Variants in TRIM55 observed in about 807,000 individuals in gnomAD.
TRIM55 encodes tripartite motif containing 55.
Under a neutral mutation model 60.9 loss-of-function variants are expected in TRIM55, and 50 were observed. That is an observed-to-expected ratio of 0.82 (90% CI 0.65 to 1.04). The LOEUF is 1.04. Among genes scored for constraint, TRIM55 ranks in the 50% least tolerant of loss-of-function variants. The pLI, the probability that TRIM55 is intolerant of heterozygous loss-of-function variation, is 0.00. For missense variants in TRIM55, 681 were observed against 666.9 expected (o/e 1.02, Z -0.23); for synonymous variants, 237 against 238.1 (o/e 1.00, Z 0.04).
At chr8:66,159,324 G>A (rs1281110924) in intron 9 of TRIM55, among the ~76,000 whole-genome samples, 1 of 152,130 alleles carries the variant, frequency 6.6e-6, no homozygotes, top group Non-Finnish European at 1.5e-5. Context: ...TTTTCACTTA[G>A]CATAATGCTT....
At chr8:66,127,720 A>C (rs1482690959) in intron 1 of TRIM55, among the ~76,000 whole-genome samples, 1 of 151,968 alleles carries the variant, frequency 6.6e-6, no homozygotes, top group Admixed American at 6.6e-5. Context: ...CTATAATCTC[A>C]GGTACTTGGG....
chr8:66,165,502 AT>A (rs143251366), intron 9 of TRIM55, among the ~76,000 whole-genome samples: 3,510 of 151,306 alleles, frequency 0.023, 127 homozygotes, highest in African/African-American at 0.077. Context: ...GAAATGATCT[AT>A]TTAATTTTCC....
At chr8:66,148,004 A>T (rs1031078499) in intron 4 of TRIM55, among the ~76,000 whole-genome samples, 2 of 152,198 alleles carry the variant, frequency 1.3e-5, no homozygotes, top group African/African-American at 4.8e-5. Context: ...AATATGTAAT[A>T]AAGGGTATAG....
chr8:66,169,269 T>A (rs1411009082), intron 9 of TRIM55, among the ~76,000 whole-genome samples: 1 of 152,186 alleles, frequency 6.6e-6, no homozygotes, highest in Non-Finnish European at 1.5e-5. Flanking sequence ...CTACTGGCAT[T>A]GACCCCCAAG....
chr8:66,123,183 C>T (rs757805884), upstream of TRIM55, among the ~76,000 whole-genome samples: 2 of 152,218 alleles, frequency 1.3e-5, no homozygotes, highest in Non-Finnish European at 2.9e-5. Flanking sequence ...TAACCAACTG[C>T]CAATCAGAAA....
intron 9 of TRIM55, among the ~76,000 whole-genome samples, chr8:66,167,300 C>A (rs1377861451): frequency 6.6e-6 from 1 of 152,166 alleles, no homozygotes; most frequent in East Asian, 1.9e-4. Flanking sequence ...GGTCTGTTTG[C>A]CTAACGCAAT....
chr8:66,136,079 TA>T (rs981374691), intron 3 of TRIM55, among the ~76,000 whole-genome samples: 1 of 152,236 alleles, frequency 6.6e-6, no homozygotes, highest in Non-Finnish European at 1.5e-5. Flanking sequence ...CACTAAGTCC[TA>T]AAGAAACAGA....
At chr8:66,137,766 A>T (rs1427734337) in intron 4 of TRIM55, among the ~76,000 whole-genome samples, 2 of 152,036 alleles carry the variant, frequency 1.3e-5, no homozygotes, top group Non-Finnish European at 2.9e-5. Context: ...CTGAAAAAAA[A>T]AAAAAAAAAA....
chr8:66,150,049 C>A (rs140354080), intron 5 of TRIM55, among the ~76,000 whole-genome samples, 168 bp from the exon 6 acceptor site: 16 of 152,294 alleles, frequency 1.1e-4, no homozygotes, highest in African/African-American at 3.6e-4. Context: ...AATAGCATGT[C>A]TATGATACTG....
At position 66,135,092 on chromosome 8, in the gene TRIM55, G is replaced by A; in HGVS notation, c.444G>A (p.Lys148=). 1 of 1,614,194 alleles carries A rather than the reference G, an allele frequency of 6.2e-7. No individual in the cohort carries two copies. The highest frequency in any genetic ancestry group is 8.5e-7 in the Non-Finnish European group (1 of 1,180,020). The change falls in exon 3 of 10, where the codon AAG becomes AAA. Residue 148 remains lysine, a synonymous_variant. Coordinates refer to ENST00000315962, the MANE Select transcript of TRIM55 (RefSeq NM_184085.2). Reference sequence around the variant, plus strand: ...AAGTACCCACCTGCTCTCTGTGCAAGGTGTTTGGTGCACACAAAGACTGCC... The same window carrying A: ...AAGTACCCACCTGCTCTCTGTGCAAAGTGTTTGGTGCACACAAAGACTGCC... ...NCEVPTCSLC[K]VFGAHKDCQV... is the part of the protein sequence containing the mutation.
chr8:66,152,903 TTGTG>T (rs59283692), intron 8 of TRIM55, among the ~76,000 whole-genome samples: 12,373 of 140,218 alleles, frequency 0.088, 540 homozygotes, highest in African/African-American at 0.1. Context: ...TGTCTGGAAA[TTGTG>T]TGTGTGTGTG....
chr8:66,120,240 C>G, the TRIM55 span, among the ~76,000 whole-genome samples: 3 of 152,096 alleles, frequency 2.0e-5, no homozygotes, highest in African/African-American at 7.2e-5. Context: ...CCTCTCTTCC[C>G]TAGATGAAAA....
chr8:66,170,991 G>A (rs765236906), intron 9 of TRIM55, among the ~76,000 whole-genome samples: 1 of 152,204 alleles, frequency 6.6e-6, no homozygotes, highest in Admixed American at 6.5e-5. Flanking sequence ...ACAGTTCCAC[G>A]TTACGGACAG....
the TRIM55 span, among the ~76,000 whole-genome samples, chr8:66,118,038 G>A: frequency 4.1e-4 from 62 of 150,966 alleles, 1 homozygote; most frequent in Middle Eastern, 6.8e-3. Context: ...GTGTGGTGGC[G>A]GGCCCCTGTA....
At position 66,128,480 on chromosome 8, in the gene TRIM55, ACACTCTTC is replaced by A. The variant is rs750151505; in HGVS notation, c.341+15_341+22del. On this transcript the variant is annotated splice_donor_5th_base_variant and intron_variant, in intron 2 of 9. Coordinates refer to ENST00000315962, the MANE Select transcript of TRIM55 (RefSeq NM_184085.2). ...TCTACAAGCAGGAGTCCACCAGGTA[ACACTCTTC>A]CACTCTTCCATGTGTCAAGCCCATC... 2 of 1,610,838 alleles carry A rather than the reference ACACTCTTC, an allele frequency of 1.2e-6. No homozygotes were observed. Among genetic ancestry groups the A allele is most frequent in the South Asian group, 2.2e-5 (2 of 90,312 alleles).
At chr8:66,173,035 G>A (rs1281294862) in intron 9 of TRIM55, among the ~76,000 whole-genome samples, 2 of 152,108 alleles carry the variant, frequency 1.3e-5, no homozygotes, top group African/African-American at 4.8e-5. Context: ...AGTTGGACGT[G>A]TAAAAATAGG....
At chr8:66,117,978 A>G in the TRIM55 span, among the ~76,000 whole-genome samples, 1 of 151,574 alleles carries the variant, frequency 6.6e-6, no homozygotes, top group Non-Finnish European at 1.5e-5. Flanking sequence ...CATCCTGGCT[A>G]ACACGGTGAA....
intron 9 of TRIM55, among the ~76,000 whole-genome samples, chr8:66,164,094 C>T (rs1811191847): frequency 6.6e-6 from 1 of 151,858 alleles, no homozygotes; most frequent in Middle Eastern, 3.2e-3. Context: ...TCCTCATTCA[C>T]ATACAACATC....
At chr8:66,113,424 A>C in the TRIM55 span, 1 of 439,866 alleles carries the variant, frequency 2.3e-6, no homozygotes, top group Non-Finnish European at 4.6e-6. Flanking sequence ...AGCAGGAGAC[A>C]TCCTTAGGTC....
Sources: allele counts gnomAD v4.1 joint callset (sites outside exome capture counted in the v4.1 genomes callset), GRCh38; gene constraint gnomAD v4.1.1; transcripts MANE v1.5; gene names NCBI Gene and HGNC (gene_info 2026-07-23, HGNC 2026-07-21).